Variants in JAM3 observed in about 807,000 individuals in gnomAD.
JAM3 encodes junctional adhesion molecule 3, also known as junctional adhesion molecule C.
In JAM3, 31 loss-of-function variants were observed where a neutral mutation model predicts 39.4. The ratio of observed to expected loss-of-function variants is 0.79; its 90% CI spans 0.59 to 1.06. The LOEUF is 1.06. Ranked by LOEUF, JAM3 falls within the 50% of genes least tolerant of loss-of-function variation. JAM3 has a pLI of 0.00. For synonymous variants in JAM3, 182 were observed against 148.7 expected, an observed-to-expected ratio of 1.22 and a Z score of -1.63; for missense variants, 455 against 391.4, an observed-to-expected ratio of 1.16 and a Z score of -1.37.
intron 1 of JAM3, among the ~76,000 whole-genome samples, chr11:134,121,175 G>A (rs1942524985): frequency 6.6e-6 from 1 of 152,170 alleles, no homozygotes; most frequent in East Asian, 1.9e-4. Flanking sequence ...GTGAGGAGGT[G>A]GGTTGGGAAA....
intron 3 of JAM3, among the ~76,000 whole-genome samples, chr11:134,142,287 G>A (rs1481587401): frequency 6.6e-6 from 1 of 152,190 alleles, no homozygotes; most frequent in Non-Finnish European, 1.5e-5. Flanking sequence ...TCGCCTCAGT[G>A]CAGGGCTGCA....
At chr11:134,076,832 G>GTTTTTTTTTT (rs759965688) in intron 1 of JAM3, among the ~76,000 whole-genome samples, 1 of 121,052 alleles carries the variant, frequency 8.3e-6, no homozygotes. Flanking sequence ...AACATCTATT[G>GTTTTTTTTTT]CTTTTTTTTT....
At chr11:134,107,430 G>A (rs1379977647) in intron 1 of JAM3, among the ~76,000 whole-genome samples, 1 of 151,830 alleles carries the variant, frequency 6.6e-6, no homozygotes, top group African/African-American at 2.4e-5. Flanking sequence ...ATGTATACAT[G>A]TGTAACAAAC....
chr11:134,113,256 A>G (rs1316927593), intron 1 of JAM3, among the ~76,000 whole-genome samples: 3 of 151,040 alleles, frequency 2.0e-5, no homozygotes, highest in Non-Finnish European at 2.9e-5. Flanking sequence ...GGTTTGTTAC[A>G]TATGTATACA....
chr11:134,111,390 C>G (rs1041869776), intron 1 of JAM3, among the ~76,000 whole-genome samples: 26 of 152,036 alleles, frequency 1.7e-4, no homozygotes, highest in African/African-American at 5.8e-4. Context: ...GTTCCGCCCA[C>G]CTCGGCCTCC....
At chr11:134,128,777 A>G (rs983639007) in intron 1 of JAM3, among the ~76,000 whole-genome samples, 2 of 152,136 alleles carry the variant, frequency 1.3e-5, no homozygotes, top group African/African-American at 4.8e-5. Context: ...TTTTTTCTTA[A>G]TAAATCACCC....
intron 5 of JAM3, 38 bp from the exon 6 acceptor site, chr11:134,145,908 G>T (rs768330788): frequency 1.4e-6 from 2 of 1,412,428 alleles, no homozygotes; most frequent in Admixed American, 3.3e-5. Context: ...TCGGCCCCAT[G>T]ATGGGTCCGA....
At chr11:134,075,481 T>C (rs1247952536) in intron 1 of JAM3, among the ~76,000 whole-genome samples, 2 of 151,206 alleles carry the variant, frequency 1.3e-5, no homozygotes, top group African/African-American at 4.9e-5. Context: ...TTGTGCTTAT[T>C]GCTCTATCTG....
At chr11:134,095,550 G>A (rs1203668040) in intron 1 of JAM3, among the ~76,000 whole-genome samples, 1 of 151,752 alleles carries the variant, frequency 6.6e-6, no homozygotes, top group Non-Finnish European at 1.5e-5. Context: ...AGAATCACTT[G>A]AACCTGGGAG....
At chr11:134,098,579 T>C (rs1942024214) in intron 1 of JAM3, among the ~76,000 whole-genome samples, 1 of 152,192 alleles carries the variant, frequency 6.6e-6, no homozygotes, top group Non-Finnish European at 1.5e-5. Context: ...GTCAGTTGTC[T>C]TCCTTATATG....
rs140380837 is a variant in JAM3 at position 134,127,252 on chromosome 11, A to G, written c.77-12599A>G. On this transcript the variant is annotated intron_variant, in intron 1 of 8. Transcript: ENST00000299106. ...CCACATCATCGGTTGTAAATTGGAA[A>G]TGATACCACTTGCTCTGACTGTCTT... 1.9e-3 allele frequency among the ~76,000 whole-genome samples: 288 copies of G among 152,370 alleles called. 5 individuals are homozygous for G. In the South Asian group the frequency reaches 0.027, roughly 14 times the overall value.
chr11:134,124,406 C>A, intron 1 of JAM3: 1 of 591,294 alleles, frequency 1.7e-6, no homozygotes, highest in Non-Finnish European at 3.0e-6. Flanking sequence ...AAATGTTTCA[C>A]AGCAGAAAAC....
At chr11:134,143,584 T>C (rs1304259452) in intron 3 of JAM3, among the ~76,000 whole-genome samples, 1 of 152,220 alleles carries the variant, frequency 6.6e-6, no homozygotes, top group Admixed American at 6.5e-5. Flanking sequence ...AAGTGTGAAT[T>C]CTTTATTCTG....
chr11:134,142,219 G>T (rs1942987746), intron 3 of JAM3, among the ~76,000 whole-genome samples: 1 of 152,138 alleles, frequency 6.6e-6, no homozygotes. Flanking sequence ...GAGGGAGACG[G>T]TTTCCCGCAC....
At chr11:134,140,568 CTTGAA>C in intron 2 of JAM3, 84 bp from the exon 3 acceptor site, 1 of 1,080,240 alleles carries the variant, frequency 9.3e-7, no homozygotes, top group Non-Finnish European at 1.4e-6. Flanking sequence ...TGAAAGGCCT[CTTGAA>C]TTAGAGCTTG....
intron 1 of JAM3, among the ~76,000 whole-genome samples, chr11:134,092,067 C>A (rs1941869632): frequency 6.6e-6 from 1 of 152,088 alleles, no homozygotes; most frequent in East Asian, 1.9e-4. Context: ...TCGCAGAATT[C>A]TTTAGGGGCT....
intron 1 of JAM3, among the ~76,000 whole-genome samples, chr11:134,086,194 A>G (rs943739227): frequency 6.6e-6 from 1 of 152,188 alleles, no homozygotes; most frequent in African/African-American, 2.4e-5. Flanking sequence ...CAAATATAAA[A>G]TGTTATTCTC....
chr11:134,124,024 C>T (rs1942589569), intron 1 of JAM3: 11 of 1,457,764 alleles, frequency 7.5e-6, no homozygotes, highest in Admixed American at 1.7e-5. Context: ...AATCCCGCAA[C>T]ACAAGGCACT....
intron 1 of JAM3, among the ~76,000 whole-genome samples, chr11:134,092,052 C>G (rs887903637): frequency 2.0e-5 from 3 of 152,018 alleles, no homozygotes; most frequent in African/African-American, 7.2e-5. Flanking sequence ...TCTTTTCATC[C>G]CCTTTCGCAG....
Sources: allele counts gnomAD v4.1 joint callset (sites outside exome capture counted in the v4.1 genomes callset), GRCh38; gene constraint gnomAD v4.1.1; transcripts MANE v1.5; gene names NCBI Gene and HGNC (gene_info 2026-07-23, HGNC 2026-07-21).